BEND4: variants seen among roughly 807,000 people sequenced by gnomAD.
BEND4 encodes BEN domain-containing protein 4.
In BEND4, 27 loss-of-function variants were observed where a neutral mutation model predicts 54.7. The observed-to-expected ratio is 0.49, with a 90% confidence interval of 0.36 to 0.68. BEND4 has a LOEUF of 0.68. Among genes scored for constraint, BEND4 ranks in the 30% least tolerant of loss-of-function variants. BEND4 has a pLI of 0.00. For missense variants in BEND4, 702 were observed against 697.2 expected (o/e 1.01, Z -0.08); for synonymous variants, 327 against 299.5 (o/e 1.09, Z -0.95).
In BEND4 at chr4:42,151,744, C is replaced by T. The variant is rs897713285; in HGVS notation, c.400G>A (p.Ala134Thr). Residue 134 changes from alanine to threonine, a missense_variant, in exon 2 of 6, where the codon GCT (alanine) becomes ACT (threonine). Transcript: ENST00000502486. ...GCGCCTGGGCCATACCTGACGACAGCGGCGAACGAAGACGACGAGGAGGCG... is the reference window on the plus strand; with the variant it reads ...GCGCCTGGGCCATACCTGACGACAGTGGCGAACGAAGACGACGAGGAGGCG... ...PAASSSSSFA[A>T]VVRYGPGAAA... is the part of the protein sequence containing the mutation. The T allele has an allele frequency of 1.3e-6, 2 of 1,501,012 alleles. No homozygotes were observed. The allele number at this position is 1,501,012 out of a possible 1,614,324, so 93.0% of individuals were successfully genotyped here.
chr4:42,117,806 G>T, intron 5 of BEND4, 71 bp from the exon 6 acceptor site: 2 of 1,038,848 alleles, frequency 1.9e-6, no homozygotes, highest in Non-Finnish European at 2.8e-6. Flanking sequence ...AGATGACAGG[G>T]CAGGCTGCTT....
Position 42,143,669 on chromosome 4 carries a change from A to G in BEND4, c.813T>C (p.Ser271=), listed in dbSNP as rs75018601. Residue 271 remains serine, a synonymous_variant, in exon 3 of 6, where the codon AGT becomes AGC. Transcript: ENST00000502486. ...CCACGTCGGCCAGATGGCCATATTCACTGGCTGACGAGGGGTTTGGAGTTG... is the reference window on the plus strand; with the variant it reads ...CCACGTCGGCCAGATGGCCATATTCGCTGGCTGACGAGGGGTTTGGAGTTG... ...SFPTPNPSSA[S]EYGHLADVDP... 618 of 1,613,992 alleles carry G rather than the reference A, an allele frequency of 3.8e-4. No individual in the cohort carries two copies. Among genetic ancestry groups the G allele is most frequent in the Non-Finnish European group, 4.9e-4 (575 of 1,179,866 alleles).
chr4:42,138,353 T>C (rs1228899491), intron 3 of BEND4, among the ~76,000 whole-genome samples: 1 of 152,150 alleles, frequency 6.6e-6, no homozygotes, highest in Non-Finnish European at 1.5e-5. Flanking sequence ...TTCACCTACA[T>C]GTGGAACCTA....
chr4:42,128,469 A>G (rs555921894), intron 3 of BEND4, among the ~76,000 whole-genome samples: 1 of 152,176 alleles, frequency 6.6e-6, no homozygotes, highest in South Asian at 2.1e-4. Context: ...TAAAAAACAC[A>G]AAAAATTAGC....
At chr4:42,119,591 G>A (rs1719981887) in intron 5 of BEND4, among the ~76,000 whole-genome samples, 1 of 152,036 alleles carries the variant, frequency 6.6e-6, no homozygotes, top group African/African-American at 2.4e-5. Flanking sequence ...TGGGCAAGGT[G>A]TATTTTAGCA....
intron 2 of BEND4, among the ~76,000 whole-genome samples, chr4:42,150,193 C>T (rs1721214983): frequency 6.6e-6 from 1 of 152,006 alleles, no homozygotes; most frequent in South Asian, 2.1e-4. Context: ...AAATGAACCT[C>T]CTTAAGAAGG....
intron 3 of BEND4, among the ~76,000 whole-genome samples, chr4:42,131,063 T>C (rs1328269073): frequency 6.6e-6 from 1 of 151,862 alleles, no homozygotes; most frequent in Admixed American, 6.6e-5. Flanking sequence ...CTGGGGCCTA[T>C]TGGGGAGGGG....
intron 5 of BEND4, among the ~76,000 whole-genome samples, chr4:42,118,636 A>T (rs1719937535): frequency 1.3e-5 from 2 of 152,200 alleles, no homozygotes; most frequent in African/African-American, 2.4e-5. Context: ...ATAGAAATGT[A>T]AAATGTTGAG....
chr4:42,137,867 G>A (rs1720746931), intron 3 of BEND4, among the ~76,000 whole-genome samples: 1 of 152,110 alleles, frequency 6.6e-6, no homozygotes, highest in African/African-American at 2.4e-5. Flanking sequence ...AATCATCAGG[G>A]AAATGCAAAT....
At chr4:42,133,394 G>A (rs774965791) in intron 3 of BEND4, among the ~76,000 whole-genome samples, 1 of 152,158 alleles carries the variant, frequency 6.6e-6, no homozygotes, top group Admixed American at 6.5e-5. Context: ...ACATTCTATG[G>A]TAACACTAGT....
chr4:42,139,223 C>A (rs1417704354), intron 3 of BEND4, among the ~76,000 whole-genome samples: 1 of 152,118 alleles, frequency 6.6e-6, no homozygotes, highest in African/African-American at 2.4e-5. Context: ...TTCTAATTTT[C>A]TAGTGTGGTG....
intron 3 of BEND4, 70 bp from the exon 4 acceptor site, chr4:42,125,744 AG>A (rs1720254420): frequency 1.8e-6 from 2 of 1,114,590 alleles, no homozygotes; most frequent in South Asian, 1.7e-5. Context: ...AATTTTTTAA[AG>A]TTTTTTTTTT....
chr4:42,127,843 T>C (rs1213605792), intron 3 of BEND4, among the ~76,000 whole-genome samples: 1 of 152,228 alleles, frequency 6.6e-6, no homozygotes, highest in Non-Finnish European at 1.5e-5. Flanking sequence ...ATGAACTTTT[T>C]TCTGATCCCT....
At position 42,151,798 on chromosome 4, in the gene BEND4, G is replaced by C; in HGVS notation, c.346C>G (p.Pro116Ala). The C allele has an allele frequency of 6.7e-7, 1 of 1,484,476 alleles. No homozygotes were observed. Among genetic ancestry groups the C allele is most frequent in the Non-Finnish European group, 8.9e-7 (1 of 1,125,750 alleles). The allele number at this position is 1,484,476 out of a possible 1,614,324, so 92.0% of individuals were successfully genotyped here. A position where few individuals can be genotyped will look rare whatever the true frequency, so the allele number is the denominator to read the frequency against. Residue 116 changes from proline to alanine, a missense_variant, in exon 2 of 6, where the codon CCG becomes GCG. By Grantham distance (27) the Pro-to-Ala change is conservative. Transcript: ENST00000502486. ...GGGGACGCGGGCGGCGGCTGCGCCGGAGTCCTCAAGTGGCCCTGGGATGTG... is the reference window on the plus strand; with the variant it reads ...GGGGACGCGGGCGGCGGCTGCGCCGCAGTCCTCAAGTGGCCCTGGGATGTG... ...PATSQGHLRT[P>A]AQPPPASPAA...
intron 3 of BEND4, among the ~76,000 whole-genome samples, chr4:42,136,096 T>C (rs746155764): frequency 2.8e-4 from 43 of 152,174 alleles, no homozygotes; most frequent in Admixed American, 1.4e-3. Flanking sequence ...TATTAAGGTC[T>C]TTTCATCCAC....
At chr4:42,125,461 AC>A in intron 4 of BEND4, 121 bp downstream of exon 4, 1 of 706,988 alleles carries the variant, frequency 1.4e-6, no homozygotes, top group Admixed American at 2.2e-5. Context: ...CAGGCAACAG[AC>A]CCATAAACCT....
At chr4:42,123,354 C>A (rs1301588359) in intron 4 of BEND4, among the ~76,000 whole-genome samples, 2 of 151,808 alleles carry the variant, frequency 1.3e-5, no homozygotes, top group Non-Finnish European at 2.9e-5. Context: ...TGTATATTTT[C>A]AATTAGCCAC....
At chr4:42,145,584 C>T (rs957920098) in intron 2 of BEND4, among the ~76,000 whole-genome samples, 3 of 150,862 alleles carry the variant, frequency 2.0e-5, no homozygotes, top group East Asian at 2.0e-4. Context: ...CCCAGCTACT[C>T]GGGGGGCTGA....
At chr4:42,150,285 G>C (rs1271577342) in intron 2 of BEND4, among the ~76,000 whole-genome samples, 3 of 152,000 alleles carry the variant, frequency 2.0e-5, no homozygotes, top group Non-Finnish European at 4.4e-5. Flanking sequence ...TGGAATATTG[G>C]GGCAAGAGCA....
Sources: allele counts gnomAD v4.1 joint callset (sites outside exome capture counted in the v4.1 genomes callset), GRCh38; gene constraint gnomAD v4.1.1; transcripts MANE v1.5; gene names NCBI Gene and HGNC (gene_info 2026-07-23, HGNC 2026-07-21).